The following HS1BP3 variants were observed in gnomAD, a reference collection of about 807,000 sequenced individuals.
HS1BP3 encodes HCLS1 binding protein 3.
Under a neutral mutation model 33.5 loss-of-function variants are expected in HS1BP3, and 32 were observed. The observed-to-expected ratio is 0.95, with a 90% CI of 0.72 to 1.28. The LOEUF is 1.28. Ranked by LOEUF, HS1BP3 falls within the 50% of genes most tolerant of loss-of-function variation. The pLI is 0.00. For synonymous variants in HS1BP3, 187 were observed against 209.2 expected (o/e 0.89, Z 0.92); for missense variants, 486 against 502.3 (o/e 0.97, Z 0.31).
chr2:20,645,639 C>T (rs901965249), intron 1 of HS1BP3, 134 bp from the exon 2 acceptor site: 7 of 847,600 alleles, frequency 8.3e-6, no homozygotes, highest in Non-Finnish European at 1.2e-5. Context: ...TCAGTGGTCA[C>T]TGCTCCAGGC....
At chr2:20,622,365 T>C (rs1018523934) in intron 6 of HS1BP3, 20 of 1,278,272 alleles carry the variant, frequency 1.6e-5, no homozygotes, top group African/African-American at 7.6e-5. Context: ...CATTAGCAGA[T>C]GTCTGCTAAA....
chr2:20,575,509 C>A (rs1248765192), intron 5 of HS1BP3, among the ~76,000 whole-genome samples: 6 of 152,242 alleles, frequency 3.9e-5, no homozygotes, highest in African/African-American at 1.4e-4. Flanking sequence ...CCTGGCTGCC[C>A]AGCCACACTC....
In HS1BP3 at chr2:20,648,123, C is replaced by T. The variant is rs140291567; in HGVS notation, c.33-2618G>A. Among the ~76,000 whole-genome samples the T allele has an allele frequency of 1.2e-3, 185 of 152,322 alleles. 1 individual carries two copies. Among genetic ancestry groups the T allele is most frequent in the African/African-American group, 4.2e-3 (176 of 41,572 alleles). On this transcript the variant is annotated intron_variant, in intron 1 of 6. Coordinates refer to ENST00000304031, the MANE Select transcript of HS1BP3 (RefSeq NM_022460.4). ...ACTGAAGGACATAGCTGCTGCAGCT[C>T]ACCCCTCTTTTTCGCACCATCGATT...
chr2:20,647,827 C>A (rs1695563558), intron 1 of HS1BP3, among the ~76,000 whole-genome samples: 1 of 152,164 alleles, frequency 6.6e-6, no homozygotes, highest in Admixed American at 6.5e-5. Context: ...GTGCGTGCAA[C>A]CCCCTGGGGA....
Position 20,633,151 on chromosome 2 carries a change from G to C in HS1BP3, c.623+5285C>G, listed in dbSNP as rs1695018271. ...CGTCCGCCAGCTGAGTGGCAGAAAG[G>C]GGATTTGAACCTGGGACTGCCCATC... On this transcript the variant is annotated intron_variant, in intron 4 of 6. Coordinates refer to ENST00000304031, the MANE Select transcript of HS1BP3 (RefSeq NM_022460.4). Among the ~76,000 whole-genome samples the C allele has an allele frequency of 2.0e-5, 3 of 152,174 alleles. No individual in the cohort carries two copies. The South Asian group carries it at 6.2e-4, about 32-fold the overall frequency.
At chr2:20,572,021 C>T (rs1693286675) in intron 5 of HS1BP3, among the ~76,000 whole-genome samples, 1 of 152,242 alleles carries the variant, frequency 6.6e-6, no homozygotes, top group Admixed American at 6.5e-5. Flanking sequence ...GAGGTTGAGT[C>T]ATATCTAAAG....
intron 2 of HS1BP3, chr2:20,606,605 C>T: frequency 2.1e-6 from 1 of 485,816 alleles, no homozygotes; most frequent in South Asian, 1.6e-5. Context: ...TTTGTCTTTC[C>T]TGGCCAACTT....
chr2:20,593,917 A>G lies in HS1BP3; in HGVS notation c.*13-1123T>C, dbSNP rs552736332. Among the ~76,000 whole-genome samples the G allele has an allele frequency of 1.3e-3, 193 of 152,352 alleles. 2 individuals are homozygous for G. The highest frequency in any genetic ancestry group is 4.6e-3 in the African/African-American group (191 of 41,584). On this transcript the variant is annotated intron_variant, in intron 3 of 3. Coordinates refer to the HS1BP3 transcript ENST00000415264. ...CCAGGGCCTGCAACACTAACTGTGAAGAGTCCCCTAAAACTTCCCTGATGA... is the reference window on the plus strand; with the variant it reads ...CCAGGGCCTGCAACACTAACTGTGAGGAGTCCCCTAAAACTTCCCTGATGA...
rs1694315727 is a variant in HS1BP3 at position 20,611,385 on chromosome 2, GA to G, written c.178+12510del. On this transcript the variant is annotated intron_variant, in intron 2 of 3. Coordinates refer to the HS1BP3 transcript ENST00000415264. This position sits in a 1 kb window ranked among gnomAD's most constrained non-coding sequence, Gnocchi z 4.9. ...GCTGGGAAATCCCAAGGGGTAAAGA[GA>G]AAGGGATACAGGCCAGCCTGACCAT... 6.6e-6 allele frequency among the ~76,000 whole-genome samples: 1 copy of G among 152,198 alleles called. No homozygotes were observed. The highest frequency in any genetic ancestry group is 1.5e-5 in the Non-Finnish European group (1 of 68,032).
intron 6 of HS1BP3, chr2:20,623,206 G>GAGGCC (rs1361089609): frequency 2.0e-5 from 3 of 152,406 alleles, no homozygotes; most frequent in African/African-American, 4.8e-5. Flanking sequence ...ATGAAGTGGA[G>GAGGCC]AGGCCAGGCC....
At chr2:20,559,745 T>C (rs1476844242), downstream of HS1BP3, among the ~76,000 whole-genome samples, 1 of 149,920 alleles carries the variant, frequency 6.7e-6, no homozygotes, top group African/African-American at 2.5e-5. Context: ...GATGGATGGA[T>C]GGATGATGGA....
chr2:20,589,917 G>C (rs1693771748), downstream of HS1BP3, among the ~76,000 whole-genome samples: 1 of 152,162 alleles, frequency 6.6e-6, no homozygotes, highest in Non-Finnish European at 1.5e-5. Flanking sequence ...GACTCCTGGG[G>C]GTCCTGGAGC....
At chr2:20,583,998 G>A (rs1025836302) in intron 5 of HS1BP3, among the ~76,000 whole-genome samples, 1 of 152,228 alleles carries the variant, frequency 6.6e-6, no homozygotes, top group African/African-American at 2.4e-5. Context: ...ACAGACTCGG[G>A]CATAATTAGT....
intron 4 of HS1BP3, among the ~76,000 whole-genome samples, chr2:20,627,937 T>G (rs1419855964): frequency 1.3e-5 from 2 of 151,994 alleles, no homozygotes; most frequent in Non-Finnish European, 2.9e-5. Context: ...GATGGACAGG[T>G]GGAGGACAGG....
intron 6 of HS1BP3, among the ~76,000 whole-genome samples, chr2:20,620,125 A>C (rs919584886): frequency 1.3e-4 from 20 of 152,130 alleles, no homozygotes; most frequent in East Asian, 1.9e-4. Flanking sequence ...ACAGTGGAAG[A>C]CTCATTCAAT....
At chr2:20,576,198 C>T (rs1693396086) in intron 5 of HS1BP3, among the ~76,000 whole-genome samples, 1 of 152,136 alleles carries the variant, frequency 6.6e-6, no homozygotes, top group Non-Finnish European at 1.5e-5. Flanking sequence ...CCAGGCTGGT[C>T]CTGAACTCCT....
chr2:20,638,078 C>A, intron 4 of HS1BP3: 1 of 440,488 alleles, frequency 2.3e-6, no homozygotes, highest in Non-Finnish European at 4.0e-6. Context: ...CTCTGCGAGT[C>A]CCACAGCTGG....
chr2:20,613,290 A>G (rs1008664327), downstream of HS1BP3, among the ~76,000 whole-genome samples: 4 of 152,256 alleles, frequency 2.6e-5, no homozygotes, highest in African/African-American at 9.6e-5. Flanking sequence ...AGGCAGCAGT[A>G]AAGGCAGTTG....
chr2:20,595,524 C>G (rs1693922977), intron 3 of HS1BP3, among the ~76,000 whole-genome samples: 1 of 152,168 alleles, frequency 6.6e-6, no homozygotes, highest in African/African-American at 2.4e-5. Context: ...AGGGTTTCGG[C>G]TGGGCCTTGC....
Sources: allele counts gnomAD v4.1 joint callset (sites outside exome capture counted in the v4.1 genomes callset), GRCh38; gene constraint gnomAD v4.1.1; non-coding constraint Gnocchi (gnomAD v3.1); transcripts MANE v1.5; gene names NCBI Gene and HGNC (gene_info 2026-07-23, HGNC 2026-07-21).